SLC35F4: variants seen among roughly 807,000 people sequenced by gnomAD.
The protein encoded by SLC35F4 is chromosome 14 open reading frame 36.
In SLC35F4, 24 loss-of-function variants were observed where a neutral mutation model predicts 44.2. The observed-to-expected ratio is 0.54, with a 90% confidence interval of 0.39 to 0.76. The LOEUF is 0.76. SLC35F4 is among the 30% of genes least tolerant of loss of function. The probability of loss-of-function intolerance (pLI) is 0.00; values close to 1 mark genes in which losing one functional copy is unlikely to be tolerated. For missense variants in SLC35F4, 562 were observed against 586.1 expected (o/e 0.96, Z 0.42); for synonymous variants, 238 against 223.6 (o/e 1.06, Z -0.57).
intron 1 of SLC35F4, among the ~76,000 whole-genome samples, chr14:57,622,752 T>C (rs548581018): frequency 6.6e-6 from 1 of 152,208 alleles, no homozygotes; most frequent in East Asian, 1.9e-4. Context: ...CGCACCAGCA[T>C]GGCACATGTA....
chr14:57,566,713 T>C, intron 6 of SLC35F4, 149 bp from the exon 7 acceptor site: 1 of 722,394 alleles, frequency 1.4e-6, no homozygotes, highest in Middle Eastern at 4.0e-4. Context: ...TGGATGCATG[T>C]GTATTCTACC....
chr14:57,846,353 A>G (rs186558865), intron 1 of SLC35F4, among the ~76,000 whole-genome samples: 1 of 152,178 alleles, frequency 6.6e-6, no homozygotes, highest in African/African-American at 2.4e-5. Context: ...ATAAATTTCC[A>G]TGTTGCCTGA....
intron 1 of SLC35F4, among the ~76,000 whole-genome samples, chr14:57,668,582 T>C (rs1190078895): frequency 2.6e-5 from 4 of 152,280 alleles, no homozygotes; most frequent in Non-Finnish European, 4.4e-5. Context: ...ATTTGTTAAA[T>C]AGGGAATCCT....
intron 1 of SLC35F4, among the ~76,000 whole-genome samples, chr14:57,876,098 T>A (rs1888395304): frequency 6.6e-6 from 1 of 152,176 alleles, no homozygotes; most frequent in South Asian, 2.1e-4. Context: ...GACATGTAAT[T>A]CCAAACCTTT....
At chr14:57,964,991 A>AATATATATATAGATATATATATATAT (rs1890412331) in intron 1 of SLC35F4, among the ~76,000 whole-genome samples, 1 of 115,696 alleles carries the variant, frequency 8.6e-6, no homozygotes, top group African/African-American at 3.7e-5. Flanking sequence ...AAAAAAAAAA[A>AATATATATATAGATATATATATATAT]ATATATATAT....
At chr14:57,692,795 G>C (rs2075272632) in intron 1 of SLC35F4, among the ~76,000 whole-genome samples, 1 of 151,704 alleles carries the variant, frequency 6.6e-6, no homozygotes, top group Non-Finnish European at 1.5e-5. Flanking sequence ...TAATCCACAA[G>C]GCTAAGTAAC....
chr14:57,902,492 G>A (rs1400632862), intron 1 of SLC35F4, among the ~76,000 whole-genome samples: 2 of 151,664 alleles, frequency 1.3e-5, no homozygotes, highest in African/African-American at 2.4e-5. Flanking sequence ...GAACCTGGGA[G>A]GTGGAGGTTG....
At position 57,608,792 on chromosome 14, in the gene SLC35F4, G is replaced by A. The variant is rs1032630901; in HGVS notation, c.104-14668C>T. 5.4e-4 allele frequency among the ~76,000 whole-genome samples: 12 copies of A among 22,330 alleles called. 1 individual carries two copies. The highest frequency in any genetic ancestry group is 2.6e-3 in the Admixed American group (3 of 1,138). The allele number at this position is 22,330 out of a possible 152,430, so 14.6% of individuals were successfully genotyped here. ...AAAGCAGCCCAAAAGATGGCCGGGG[G>A]GGGGCGGCGGGGGGAGAGAAACAGG... On this transcript the variant is annotated intron_variant, in intron 1 of 7. Transcript: ENST00000556826.
chr14:57,733,567 T>C (rs1197793308), intron 1 of SLC35F4, among the ~76,000 whole-genome samples: 5 of 151,776 alleles, frequency 3.3e-5, no homozygotes, highest in Non-Finnish European at 2.9e-5. Context: ...AAAAAAGGCA[T>C]CTTATAATTT....
chr14:57,666,185 A>C (rs2074302332), intron 1 of SLC35F4, among the ~76,000 whole-genome samples: 1 of 152,226 alleles, frequency 6.6e-6, no homozygotes, highest in South Asian at 2.1e-4. Context: ...AAACTAAGGC[A>C]CCAACAGGGT....
intron 1 of SLC35F4, among the ~76,000 whole-genome samples, chr14:57,839,445 G>C (rs1885273397): frequency 6.6e-6 from 1 of 152,178 alleles, no homozygotes; most frequent in Non-Finnish European, 1.5e-5. Flanking sequence ...CATAGATGGA[G>C]CTGGAAGCTG....
intron 1 of SLC35F4, chr14:57,596,688 TA>T: frequency 1.1e-6 from 1 of 908,346 alleles, no homozygotes; most frequent in Non-Finnish European, 1.7e-6. Flanking sequence ...CATAGTTACC[TA>T]AAAAGTTGGT....
chr14:57,685,032 G>A (rs370360980), intron 1 of SLC35F4, among the ~76,000 whole-genome samples: 45 of 152,258 alleles, frequency 3.0e-4, no homozygotes, highest in Middle Eastern at 3.4e-3. Context: ...TATATTATAT[G>A]TGATGTGTAT....
chr14:57,608,040 G>A (rs1397256119), intron 1 of SLC35F4, among the ~76,000 whole-genome samples: 1 of 152,156 alleles, frequency 6.6e-6, no homozygotes, highest in African/African-American at 2.4e-5. Flanking sequence ...GACGTGGTGA[G>A]TTTAAGTGCA....
chr14:57,776,060 G>A (rs1054667441), intron 1 of SLC35F4, among the ~76,000 whole-genome samples: 10 of 152,218 alleles, frequency 6.6e-5, no homozygotes, highest in South Asian at 4.1e-4. Context: ...CTCAGAGCTC[G>A]AAGACTGGTT....
intron 1 of SLC35F4, chr14:57,630,237 G>C: frequency 3.6e-6 from 2 of 559,486 alleles, no homozygotes; most frequent in Non-Finnish European, 3.5e-6. Context: ...CTATGATGAT[G>C]ATGACAGATA....
At chr14:57,873,320 A>C (rs1308813909) in intron 1 of SLC35F4, among the ~76,000 whole-genome samples, 1 of 152,212 alleles carries the variant, frequency 6.6e-6, no homozygotes, top group Non-Finnish European at 1.5e-5. Context: ...AGCCTCAAGT[A>C]ACATTTAAAG....
At chr14:57,790,765 T>C (rs992419361) in intron 1 of SLC35F4, among the ~76,000 whole-genome samples, 3 of 152,238 alleles carry the variant, frequency 2.0e-5, no homozygotes, top group East Asian at 1.9e-4. Flanking sequence ...CAAAACAGCA[T>C]GGTACTGGTA....
intron 1 of SLC35F4, among the ~76,000 whole-genome samples, chr14:57,643,158 T>C (rs1026760424): frequency 5.9e-5 from 9 of 151,486 alleles, no homozygotes; most frequent in Non-Finnish European, 1.3e-4. Flanking sequence ...AAAAAAAAAA[T>C]AAAACACTTA....
Sources: allele counts gnomAD v4.1 joint callset (sites outside exome capture counted in the v4.1 genomes callset), GRCh38; gene constraint gnomAD v4.1.1; transcripts MANE v1.5; gene names NCBI Gene and HGNC (gene_info 2026-07-23, HGNC 2026-07-21).